VSTM4: variants seen among roughly 807,000 people sequenced by gnomAD.
VSTM4 encodes V-set and transmembrane domain containing 4.
In VSTM4, 20 loss-of-function variants were observed where a neutral mutation model predicts 36.4. The ratio of observed to expected loss-of-function variants is 0.55; its 90% CI spans 0.39 to 0.80. VSTM4 has a LOEUF of 0.80. Among genes scored for constraint, VSTM4 ranks in the 30% least tolerant of loss-of-function variants. VSTM4 has a pLI of 0.00. For synonymous variants in VSTM4, 182 were observed against 173.9 expected (o/e 1.05, Z -0.37); for missense variants, 392 against 404.5 (o/e 0.97, Z 0.26).
chr10:49,091,624 G>A (rs1391255873), intron 2 of VSTM4, among the ~76,000 whole-genome samples: 3 of 152,176 alleles, frequency 2.0e-5, no homozygotes, highest in Admixed American at 2.0e-4. Context: ...ATGTTTCACA[G>A]GTGAGTTCAC....
intron 5 of VSTM4, among the ~76,000 whole-genome samples, chr10:49,055,695 C>T (rs903854480): frequency 6.6e-6 from 1 of 152,178 alleles, no homozygotes; most frequent in Admixed American, 6.5e-5. Context: ...GTTCCATATG[C>T]CAGGAGCTGC....
At chr10:49,047,692 C>T (rs1380401483) in intron 6 of VSTM4, among the ~76,000 whole-genome samples, 1 of 152,192 alleles carries the variant, frequency 6.6e-6, no homozygotes, top group Admixed American at 6.5e-5. Context: ...TTTTCATCCC[C>T]CTGCAGTACA....
intron 1 of VSTM4, among the ~76,000 whole-genome samples, chr10:49,108,553 T>C (rs1450819342): frequency 6.6e-6 from 1 of 152,208 alleles, no homozygotes; most frequent in Non-Finnish European, 1.5e-5. Context: ...CTATTTCAAC[T>C]GTACCCAGGG....
intron 3 of VSTM4, among the ~76,000 whole-genome samples, chr10:49,085,406 T>C (rs1336282563): frequency 6.6e-6 from 1 of 152,236 alleles, no homozygotes. Context: ...TGGTTAAGGA[T>C]TGCAAACTGT....
In VSTM4 at chr10:49,107,680, T is replaced by C. The variant is rs1202166031; in HGVS notation, c.371A>G (p.His124Arg). 1.9e-6 allele frequency: 3 copies of C among 1,614,104 alleles called. No individual in the cohort carries two copies. Among genetic ancestry groups the C allele is most frequent in the African/African-American group, 2.7e-5 (2 of 74,942 alleles). The change falls in exon 2 of 8, where the codon CAT (histidine) becomes CGT (arginine). Residue 124 changes from histidine to arginine, a missense_variant. His to Arg is a conservative substitution (Grantham distance 29, BLOSUM62 0). Coordinates refer to ENST00000332853, the MANE Select transcript of VSTM4 (RefSeq NM_001031746.5). ...GATTTCCTGGACTCTGCAGACGTAA[T>C]GCCCTTGATCGGAGGGCTGCAGTGT... ...VLTLQPSDQG[H>R]YVCRVQEISR...
intron 2 of VSTM4, 134 bp from the exon 3 acceptor site, chr10:49,086,157 G>A: frequency 1.8e-6 from 1 of 541,228 alleles, no homozygotes. Context: ...TTAGGGAGGG[G>A]TGCAAGGACT....
intron 7 of VSTM4, among the ~76,000 whole-genome samples, chr10:49,043,044 GCTGA>G (rs1843545386): frequency 6.6e-6 from 1 of 152,162 alleles, no homozygotes; most frequent in Admixed American, 6.5e-5. Flanking sequence ...GGCCAGTGTG[GCTGA>G]AGGGAAATGA....
rs1325626023 is a variant in VSTM4 at position 49,107,888 on chromosome 10, C to T, written c.163G>A (p.Asp55Asn). ...AACCAGCGCACGGCCAGCAAGCTGTCCTTCCGCCTTTTCTGGGAGACGTGG... is the reference window on the plus strand; with the variant it reads ...AACCAGCGCACGGCCAGCAAGCTGTTCTTCCGCCTTTTCTGGGAGACGTGG... ...LCHVSQKRRK[D>N]SLLAVRWFFA... Residue 55 changes from aspartate to asparagine, a missense_variant, in exon 2 of 8, where the codon GAC becomes AAC. Transcript: ENST00000332853. 1 of 1,614,100 alleles carries T rather than the reference C, an allele frequency of 6.2e-7. No individual in the cohort carries two copies. The highest frequency in any genetic ancestry group is 8.5e-7 in the Non-Finnish European group (1 of 1,180,044).
At chr10:49,035,389 TC>T (rs1443337246) in intron 7 of VSTM4, among the ~76,000 whole-genome samples, 1 of 152,136 alleles carries the variant, frequency 6.6e-6, no homozygotes, top group African/African-American at 2.4e-5. Flanking sequence ...GGGGGCCAAT[TC>T]CAAAGTCAAG....
intron 1 of VSTM4, among the ~76,000 whole-genome samples, chr10:49,110,252 G>T (rs901364522): frequency 2.0e-5 from 3 of 152,210 alleles, no homozygotes; most frequent in African/African-American, 7.2e-5. Flanking sequence ...ATGGAAGAGG[G>T]ATTATTTATA....
At chr10:49,031,908 G>C (rs1843351591) in intron 7 of VSTM4, among the ~76,000 whole-genome samples, 1 of 152,062 alleles carries the variant, frequency 6.6e-6, no homozygotes. Context: ...TGTTCATTCA[G>C]GGTCTACTTC....
chr10:49,108,139 C>T, intron 1 of VSTM4, 144 bp from the exon 2 acceptor site: 1 of 1,210,524 alleles, frequency 8.3e-7, no homozygotes, highest in South Asian at 1.6e-5. Context: ...GGCCCCTCAC[C>T]TCTCCAGAGG....
At chr10:49,026,933 TC>T (rs1239336146) in intron 7 of VSTM4, among the ~76,000 whole-genome samples, 1 of 152,186 alleles carries the variant, frequency 6.6e-6, no homozygotes, top group African/African-American at 2.4e-5. Flanking sequence ...CAGTCCTCTT[TC>T]CAGGCTCCTC....
intron 5 of VSTM4, among the ~76,000 whole-genome samples, chr10:49,059,928 C>A (rs1255882594): frequency 6.6e-6 from 1 of 152,158 alleles, no homozygotes; most frequent in African/African-American, 2.4e-5. Context: ...CATAAATGTA[C>A]CTTTTCTAGG....
At chr10:49,073,054 A>G (rs1289243057) in intron 4 of VSTM4, among the ~76,000 whole-genome samples, 1 of 152,200 alleles carries the variant, frequency 6.6e-6, no homozygotes, top group East Asian at 1.9e-4. Flanking sequence ...GGAAGTCTTG[A>G]CCACCTTAAA....
intron 7 of VSTM4, among the ~76,000 whole-genome samples, chr10:49,031,725 A>T (rs1036158802): frequency 6.6e-6 from 1 of 152,176 alleles, no homozygotes; most frequent in Admixed American, 6.5e-5. Flanking sequence ...TTCTCATCAC[A>T]TTCTGAATCC....
intron 2 of VSTM4, among the ~76,000 whole-genome samples, chr10:49,095,291 T>A (rs1844549498): frequency 6.6e-6 from 1 of 152,122 alleles, no homozygotes; most frequent in African/African-American, 2.4e-5. Flanking sequence ...TAGTTGCCAT[T>A]TTCTCTGCCA....
chr10:49,063,684 G>T (rs1590099109), intron 5 of VSTM4, among the ~76,000 whole-genome samples: 1 of 152,220 alleles, frequency 6.6e-6, no homozygotes, highest in Non-Finnish European at 1.5e-5. Flanking sequence ...GACAGAGAGA[G>T]TTTCCTCAGA....
chr10:49,111,247 ATACTAAGAGAGAGGTAGTCCGTTATCT>A (rs1183046259), intron 1 of VSTM4, among the ~76,000 whole-genome samples: 1 of 152,144 alleles, frequency 6.6e-6, no homozygotes, highest in Non-Finnish European at 1.5e-5. Context: ...GTTTATTTCA[ATACTAAGAGAGAGGTAGTCCGTTATCT>A]TCCCCCGCAG....
Sources: allele counts gnomAD v4.1 joint callset (sites outside exome capture counted in the v4.1 genomes callset), GRCh38; gene constraint gnomAD v4.1.1; transcripts MANE v1.5; gene names NCBI Gene and HGNC (gene_info 2026-07-23, HGNC 2026-07-21).